Variants in HERPUD2 observed in about 807,000 individuals in gnomAD.
HERPUD2 encodes the protein homocysteine-responsive endoplasmic reticulum-resident ubiquitin-like domain member 2 protein.
Under a neutral mutation model 49.9 loss-of-function variants are expected in HERPUD2, and 13 were observed. The observed-to-expected ratio is 0.26, with a 90% confidence interval of 0.17 to 0.41. HERPUD2 has a LOEUF of 0.41. Among genes scored for constraint, HERPUD2 ranks in the 10% least tolerant of loss-of-function variants. The pLI, the probability that HERPUD2 is intolerant of heterozygous loss-of-function variation, is 1.00. For missense variants in HERPUD2, 449 were observed against 492.2 expected (o/e 0.91, Z 0.83); for synonymous variants, 172 against 171.4 (o/e 1.00, Z -0.03).
At position 35,635,465 on chromosome 7, in the gene HERPUD2, T is replaced by C; in HGVS notation, c.618-7A>G. 6.3e-7 allele frequency: 1 copy of C among 1,593,788 alleles called. No homozygotes were observed. The highest frequency in any genetic ancestry group is 8.5e-7 in the Non-Finnish European group (1 of 1,170,398). ...AGCTGAAACTGCAGCTTGACTGAAA[T>C]AGTCACCAAAATAAATATTAAAAAG... On this transcript the variant is annotated splice_polypyrimidine_tract_variant and splice_region_variant and intron_variant, in intron 6 of 8. Coordinates refer to ENST00000311350, the MANE Select transcript of HERPUD2 (RefSeq NM_022373.5).
Position 35,673,235 on chromosome 7 carries a change from G to T in HERPUD2, c.191C>A (p.Pro64His). 1 of 1,611,852 alleles carries T rather than the reference G, an allele frequency of 6.2e-7. No individual in the cohort carries two copies. The highest frequency in any genetic ancestry group is 8.5e-7 in the Non-Finnish European group (1 of 1,178,908). ...AATGTCTTTCAGCTGCAGATGATCG[G>T]GAAGCAGTCTGCCCGAATACACCAA... ...QRLVYSGRLL[P>H]DHLQLKDILR... The change falls in exon 3 of 9, where the codon CCC (proline) becomes CAC (histidine). Residue 64 changes from proline to histidine, a missense_variant. Transcript: ENST00000311350.
chr7:35,674,882 G>A (rs746567542), intron 2 of HERPUD2, among the ~76,000 whole-genome samples: 2 of 152,100 alleles, frequency 1.3e-5, no homozygotes, highest in African/African-American at 2.4e-5. Context: ...CCAAGAACTC[G>A]TCCTATGCAT....
intron 2 of HERPUD2, among the ~76,000 whole-genome samples, chr7:35,680,819 G>A (rs1429335480): frequency 6.6e-6 from 1 of 152,086 alleles, no homozygotes; most frequent in African/African-American, 2.4e-5. Context: ...GTCAACATGT[G>A]TTTTTTTCTC....
chr7:35,664,704 C>T (rs990733017), intron 5 of HERPUD2, among the ~76,000 whole-genome samples: 1 of 152,186 alleles, frequency 6.6e-6, no homozygotes, highest in Non-Finnish European at 1.5e-5. Context: ...CTTGTGCATG[C>T]ATCACGTAGT....
intron 5 of HERPUD2, among the ~76,000 whole-genome samples, chr7:35,639,881 G>A (rs1289095956): frequency 1.3e-5 from 2 of 152,098 alleles, no homozygotes; most frequent in Non-Finnish European, 2.9e-5. Context: ...TGATGGAGCA[G>A]TGGCAGCCAC....
At chr7:35,653,261 G>A (rs941803032) in intron 5 of HERPUD2, among the ~76,000 whole-genome samples, 5 of 152,018 alleles carry the variant, frequency 3.3e-5, no homozygotes, top group African/African-American at 1.2e-4. Flanking sequence ...AAAATCAAAA[G>A]CAAACAAGAA....
chr7:35,683,935 AG>A (rs1357349961), intron 2 of HERPUD2, among the ~76,000 whole-genome samples: 5 of 152,256 alleles, frequency 3.3e-5, no homozygotes, highest in Non-Finnish European at 7.3e-5. Context: ...AGCGGTGAAC[AG>A]GGAACACTTG....
intron 5 of HERPUD2, among the ~76,000 whole-genome samples, chr7:35,644,234 C>T (rs917752067): frequency 6.6e-6 from 1 of 151,266 alleles, no homozygotes; most frequent in African/African-American, 2.4e-5. Context: ...CATAGCACCA[C>T]CCACCCATGG....
chr7:35,666,112 T>G (rs546794360), intron 5 of HERPUD2, among the ~76,000 whole-genome samples: 1 of 152,350 alleles, frequency 6.6e-6, no homozygotes, highest in South Asian at 2.1e-4. Context: ...AGTGAATTAC[T>G]GTCATAAGAC....
At chr7:35,674,404 TAGAGAGAGAG>T (rs3999932) in intron 2 of HERPUD2, among the ~76,000 whole-genome samples, 632 of 37,832 alleles carry the variant, frequency 0.017, 12 homozygotes, top group East Asian at 0.027. Context: ...TATATATATA[TAGAGAGAGAG>T]AGAGAGAGAG....
intron 4 of HERPUD2, 28 bp from the exon 5 acceptor site, chr7:35,667,616 G>A: frequency 6.4e-7 from 1 of 1,556,908 alleles, no homozygotes; most frequent in Non-Finnish European, 8.8e-7. Flanking sequence ...ATTTTTAAAA[G>A]GAGATTTAGT....
At chr7:35,682,580 G>A (rs1785938489) in intron 2 of HERPUD2, among the ~76,000 whole-genome samples, 1 of 151,360 alleles carries the variant, frequency 6.6e-6, no homozygotes, top group South Asian at 2.1e-4. Context: ...TCAGACAAGA[G>A]AAAGAAATAA....
intron 2 of HERPUD2, among the ~76,000 whole-genome samples, chr7:35,692,387 G>A (rs1295061812): frequency 1.3e-5 from 2 of 152,172 alleles, no homozygotes; most frequent in Non-Finnish European, 2.9e-5. Flanking sequence ...ACAATGTAAA[G>A]ATCTCGCCTA....
chr7:35,658,550 G>C (rs1785333401), intron 5 of HERPUD2, among the ~76,000 whole-genome samples: 1 of 152,142 alleles, frequency 6.6e-6, no homozygotes, highest in Non-Finnish European at 1.5e-5. Flanking sequence ...TTCTATGCAT[G>C]TGTAATGATC....
chr7:35,675,026 T>G (rs1275655810), intron 2 of HERPUD2, among the ~76,000 whole-genome samples: 1 of 152,166 alleles, frequency 6.6e-6, no homozygotes, highest in Non-Finnish European at 1.5e-5. Context: ...GAACCCCAAT[T>G]TATAACCAGT....
chr7:35,689,931 T>C (rs143083539), intron 2 of HERPUD2, among the ~76,000 whole-genome samples: 95 of 152,282 alleles, frequency 6.2e-4, no homozygotes, highest in Middle Eastern at 3.4e-3. Flanking sequence ...AGAACAGATA[T>C]AGTAAGAGAA....
intron 5 of HERPUD2, among the ~76,000 whole-genome samples, 194 bp downstream of exon 5, chr7:35,667,240 C>G (rs1320401468): frequency 6.6e-6 from 1 of 152,212 alleles, no homozygotes; most frequent in Non-Finnish European, 1.5e-5. Flanking sequence ...CACTGCCCTA[C>G]ATGATTCTCA....
intron 5 of HERPUD2, among the ~76,000 whole-genome samples, chr7:35,661,855 ATACCCTTTAT>A (rs1231709212): frequency 6.6e-6 from 1 of 152,220 alleles, no homozygotes; most frequent in Non-Finnish European, 1.5e-5. Context: ...TCCTAATTGA[ATACCCTTTAT>A]TGCTTTCTCT....
intron 5 of HERPUD2, among the ~76,000 whole-genome samples, chr7:35,660,917 C>A (rs1785404509): frequency 6.6e-6 from 1 of 152,086 alleles, no homozygotes; most frequent in South Asian, 2.1e-4. Flanking sequence ...CTTTTGATGC[C>A]ATTGCTTTTG....
Sources: allele counts gnomAD v4.1 joint callset (sites outside exome capture counted in the v4.1 genomes callset), GRCh38; gene constraint gnomAD v4.1.1; transcripts MANE v1.5; gene names NCBI Gene and HGNC (gene_info 2026-07-23, HGNC 2026-07-21).